The following CDH13 variants were observed in gnomAD, a reference collection of about 807,000 sequenced individuals.
The protein encoded by CDH13 is cadherin 13.
A neutral mutation model predicts 63.8 loss-of-function variants in CDH13; 24 were observed. That is an observed-to-expected ratio of 0.38 (90% confidence interval 0.27 to 0.53). CDH13 has a LOEUF of 0.53. Among genes scored for constraint, CDH13 ranks in the 20% least tolerant of loss-of-function variants. The pLI is 0.85. For missense variants in CDH13, 1,049 were observed against 903.1 expected (o/e 1.16, Z -2.07); for synonymous variants, 503 against 355.3 (o/e 1.42, Z -4.67).
intron 11 of CDH13, among the ~76,000 whole-genome samples, chr16:83,754,364 C>T (rs1367656892): frequency 1.3e-5 from 2 of 152,126 alleles, no homozygotes; most frequent in African/African-American, 4.8e-5. Context: ...ATCAAAATCC[C>T]AGTAGGGCCA....
chr16:82,889,549 A>G (rs959247965), intron 2 of CDH13, among the ~76,000 whole-genome samples: 4 of 152,228 alleles, frequency 2.6e-5, no homozygotes, highest in African/African-American at 9.6e-5. Flanking sequence ...TTAACAGCCA[A>G]AGCAAAGAGT....
At chr16:83,421,190 A>G (rs1280707569) in intron 6 of CDH13, among the ~76,000 whole-genome samples, 5 of 152,218 alleles carry the variant, frequency 3.3e-5, no homozygotes, top group African/African-American at 1.2e-4. Context: ...GAACCCTTCC[A>G]GAGAAGGAGA....
At chr16:83,042,972 A>G (rs962859876) in intron 3 of CDH13, among the ~76,000 whole-genome samples, 4 of 152,238 alleles carry the variant, frequency 2.6e-5, no homozygotes, top group Admixed American at 6.5e-5. Flanking sequence ...GCTCCATGGC[A>G]AAAGCCTCCC....
At chr16:82,871,832 C>T (rs928398248) in intron 2 of CDH13, among the ~76,000 whole-genome samples, 2 of 152,190 alleles carry the variant, frequency 1.3e-5, no homozygotes, top group Non-Finnish European at 2.9e-5. Flanking sequence ...TCTTCACTCT[C>T]AGAGGGTTTC....
At position 83,059,705 on chromosome 16, in the gene CDH13, G is replaced by C. The variant is rs574090530; in HGVS notation, c.366+27487G>C. Among the ~76,000 whole-genome samples, 10 of 151,412 alleles carry C rather than the reference G, an allele frequency of 6.6e-5. No homozygotes were observed. In the East Asian group the frequency reaches 1.9e-3, roughly 29 times the overall value. On this transcript the variant is annotated intron_variant, in intron 3 of 13. Coordinates refer to ENST00000567109, the MANE Select transcript of CDH13 (RefSeq NM_001257.5). Reference sequence around the variant, plus strand: ...TGACACACATCACATCTGCAATAGAGCTTAAAGACAGGGTGCTTATCCCTC... The same window carrying C: ...TGACACACATCACATCTGCAATAGACCTTAAAGACAGGGTGCTTATCCCTC...
chr16:83,285,756 A>G (rs147494844), intron 5 of CDH13, among the ~76,000 whole-genome samples: 1 of 152,274 alleles, frequency 6.6e-6, no homozygotes, highest in East Asian at 1.9e-4. Flanking sequence ...ATCTGCGGGT[A>G]CCAAGGGACA....
At chr16:83,650,216 C>T (rs1400346045) in intron 8 of CDH13, among the ~76,000 whole-genome samples, 2 of 148,488 alleles carry the variant, frequency 1.3e-5, no homozygotes, top group Admixed American at 6.7e-5. Flanking sequence ...GTACAGAAAG[C>T]AGGAAAAAAA....
At chr16:82,992,979 A>C (rs1048318308) in intron 2 of CDH13, among the ~76,000 whole-genome samples, 6 of 152,188 alleles carry the variant, frequency 3.9e-5, no homozygotes, top group African/African-American at 1.4e-4. Context: ...AGGATACTCT[A>C]AGTCTCGTGG....
intron 1 of CDH13, among the ~76,000 whole-genome samples, chr16:82,627,355 T>C (rs1296089108): frequency 1.3e-5 from 2 of 151,440 alleles, no homozygotes; most frequent in Non-Finnish European, 2.9e-5. Context: ...TGTGTGTGTG[T>C]GTGTGTGTGT....
At chr16:83,672,637 C>T (rs1914613058) in intron 9 of CDH13, among the ~76,000 whole-genome samples, 1 of 151,856 alleles carries the variant, frequency 6.6e-6, no homozygotes, top group Admixed American at 6.6e-5. Context: ...GTTGGCCAGG[C>T]TGGTCTTGAA....
chr16:82,632,945 C>T lies in CDH13; in HGVS notation c.45+5808C>T, dbSNP rs567929268. On this transcript the variant is annotated intron_variant, in intron 1 of 13. Transcript: ENST00000567109. Reference sequence around the variant, plus strand: ...GAGAAGGCGACCTAGATCCCATGCACGCACACAGTTCACACAGGATTCCAA... The same window carrying T: ...GAGAAGGCGACCTAGATCCCATGCATGCACACAGTTCACACAGGATTCCAA... Among the ~76,000 whole-genome samples, 4 of 152,274 alleles carry T rather than the reference C, an allele frequency of 2.6e-5. No homozygotes were observed. The South Asian group carries it at 6.2e-4, about 24-fold the overall frequency.
intron 1 of CDH13, among the ~76,000 whole-genome samples, chr16:82,748,243 C>G (rs1245415570): frequency 1.3e-5 from 2 of 152,210 alleles, no homozygotes; most frequent in Admixed American, 1.3e-4. Context: ...ACAAACCCCA[C>G]AGGAAATTAG....
At chr16:82,715,525 A>G (rs969334531) in intron 1 of CDH13, among the ~76,000 whole-genome samples, 10 of 152,192 alleles carry the variant, frequency 6.6e-5, no homozygotes, top group Non-Finnish European at 1.3e-4. Flanking sequence ...GCACACAACA[A>G]TAATCTCCCT....
intron 2 of CDH13, among the ~76,000 whole-genome samples, chr16:82,980,487 T>A (rs538439416): frequency 4.9e-4 from 74 of 152,352 alleles, no homozygotes; most frequent in African/African-American, 1.6e-3. Context: ...CACAGTATTA[T>A]AAGTTTTAGA....
At chr16:83,662,465 T>A (rs1913525202) in intron 8 of CDH13, among the ~76,000 whole-genome samples, 1 of 152,222 alleles carries the variant, frequency 6.6e-6, no homozygotes, top group Non-Finnish European at 1.5e-5. Flanking sequence ...AAAAAGAATC[T>A]CTGTGTTTTA....
At chr16:83,421,000 GC>G (rs1292348298) in intron 6 of CDH13, among the ~76,000 whole-genome samples, 3 of 152,210 alleles carry the variant, frequency 2.0e-5, no homozygotes, top group Admixed American at 2.0e-4. Context: ...CCGACAGCCA[GC>G]TGGATGGTGT....
chr16:82,810,380 T>C (rs1175045700), intron 1 of CDH13, among the ~76,000 whole-genome samples: 1 of 152,004 alleles, frequency 6.6e-6, no homozygotes, highest in Non-Finnish European at 1.5e-5. Context: ...CAGGGAGAGG[T>C]ACAGCTACCA....
chr16:82,669,562 C>G (rs111499082), intron 1 of CDH13, among the ~76,000 whole-genome samples: 2,280 of 152,302 alleles, frequency 0.015, 47 homozygotes, highest in African/African-American at 0.052. Flanking sequence ...TCCAGAAGGA[C>G]TTAAATGTTT....
chr16:83,280,413 C>T (rs916372662), intron 5 of CDH13, among the ~76,000 whole-genome samples: 2 of 152,198 alleles, frequency 1.3e-5, no homozygotes, highest in Non-Finnish European at 2.9e-5. Context: ...GGAATTCATT[C>T]ACATCTTCAA....
Sources: allele counts gnomAD v4.1 joint callset (sites outside exome capture counted in the v4.1 genomes callset), GRCh38; gene constraint gnomAD v4.1.1; transcripts MANE v1.5; gene names NCBI Gene and HGNC (gene_info 2026-07-23, HGNC 2026-07-21).